KCNH7: variants seen among roughly 807,000 people sequenced by gnomAD.
The protein encoded by KCNH7 is voltage-gated inwardly rectifying potassium channel KCNH7.
KCNH7 carries 49 observed loss-of-function variants against 120.8 expected under a neutral mutation model. The observed-to-expected ratio is 0.41, with a 90% CI of 0.32 to 0.51. The LOEUF is 0.51. KCNH7 is among the 20% of genes least tolerant of loss of function. KCNH7 has a pLI of 0.38. For synonymous variants in KCNH7, 547 were observed against 516.1 expected (o/e 1.06, Z -0.81); for missense variants, 1,097 against 1,446.6 (o/e 0.76, Z 3.92).
chr2:162,569,924 T>A (rs1446399490), intron 2 of KCNH7, among the ~76,000 whole-genome samples: 4 of 128,642 alleles, frequency 3.1e-5, no homozygotes, highest in African/African-American at 1.3e-4. Context: ...TTCTTTTACA[T>A]TTGCTGAGGA....
At chr2:162,745,162 G>C (rs1316222566) in intron 2 of KCNH7, among the ~76,000 whole-genome samples, 1 of 152,164 alleles carries the variant, frequency 6.6e-6, no homozygotes, top group Non-Finnish European at 1.5e-5. Flanking sequence ...TTGACTAGTA[G>C]AGCTTCTAGC....
At chr2:162,737,052 A>C (rs1034926856) in intron 2 of KCNH7, among the ~76,000 whole-genome samples, 1 of 152,120 alleles carries the variant, frequency 6.6e-6, no homozygotes, top group Non-Finnish European at 1.5e-5. Context: ...GAGAAAGAAA[A>C]TCTCAAAAAA....
At chr2:162,539,473 C>T (rs371384159) in intron 2 of KCNH7, among the ~76,000 whole-genome samples, 161 of 152,030 alleles carry the variant, frequency 1.1e-3, no homozygotes, top group African/African-American at 3.5e-3. Flanking sequence ...ATCTAATAGG[C>T]TTGTAATAGA....
chr2:162,596,337 T>C (rs1282394543), intron 2 of KCNH7, among the ~76,000 whole-genome samples: 1 of 152,090 alleles, frequency 6.6e-6, no homozygotes, highest in East Asian at 1.9e-4. Flanking sequence ...AGCAGCATGG[T>C]ATTGGCAAAA....
chr2:162,598,790 A>C (rs1446196340), intron 2 of KCNH7, among the ~76,000 whole-genome samples: 1 of 152,144 alleles, frequency 6.6e-6, no homozygotes, highest in Non-Finnish European at 1.5e-5. Context: ...TACAGAAGGA[A>C]GATTTTATGG....
rs547067516 is a variant in KCNH7 at position 162,428,606 on chromosome 2, C to T, written c.1955-5071G>A. Among the ~76,000 whole-genome samples, 25 of 151,876 alleles carry T rather than the reference C, an allele frequency of 1.6e-4. 1 individual carries two copies. The highest frequency in any genetic ancestry group is 8.3e-4 in the South Asian group (4 of 4,810). On this transcript the variant is annotated intron_variant, in intron 8 of 15. Coordinates refer to ENST00000332142, the MANE Select transcript of KCNH7 (RefSeq NM_033272.4). The stretch of plus-strand genomic sequence containing the variant: ...CATTTGGTCTATTTATTCTATAAAA[C>T]GCTGAGAGAGGAGTGTTAACATTGC...
intron 9 of KCNH7, among the ~76,000 whole-genome samples, chr2:162,409,751 A>G (rs1056230515): frequency 6.6e-6 from 1 of 152,040 alleles, no homozygotes; most frequent in African/African-American, 2.4e-5. Context: ...TACAAAATCA[A>G]TGTACAAAAA....
At chr2:162,580,011 T>G (rs1574129431) in intron 2 of KCNH7, among the ~76,000 whole-genome samples, 1 of 152,150 alleles carries the variant, frequency 6.6e-6, no homozygotes, top group African/African-American at 2.4e-5. Context: ...CCTATAGTAG[T>G]TCTCTACCTT....
At chr2:162,420,091 T>G (rs1007701327) in intron 9 of KCNH7, among the ~76,000 whole-genome samples, 1 of 152,068 alleles carries the variant, frequency 6.6e-6, no homozygotes, top group African/African-American at 2.4e-5. Flanking sequence ...AAAAACACAA[T>G]CTAGGCCAGG....
intron 2 of KCNH7, among the ~76,000 whole-genome samples, chr2:162,621,516 A>G (rs1414842033): frequency 6.6e-6 from 1 of 151,850 alleles, no homozygotes. Context: ...AAAATAATTT[A>G]CGCTTCATCC....
intron 2 of KCNH7, among the ~76,000 whole-genome samples, chr2:162,765,317 A>C (rs1483755519): frequency 6.6e-6 from 1 of 152,212 alleles, no homozygotes; most frequent in East Asian, 1.9e-4. Flanking sequence ...TTCTTGCCTA[A>C]ATATTAAATA....
At chr2:162,658,614 C>G (rs1482357297) in intron 2 of KCNH7, among the ~76,000 whole-genome samples, 1 of 152,086 alleles carries the variant, frequency 6.6e-6, no homozygotes, top group East Asian at 1.9e-4. Flanking sequence ...CATGGGGTTT[C>G]TCTTCGTTTA....
chr2:162,443,983 C>G (rs545237621), intron 7 of KCNH7, among the ~76,000 whole-genome samples: 1 of 152,190 alleles, frequency 6.6e-6, no homozygotes, highest in Non-Finnish European at 1.5e-5. Context: ...GCACGGTGGT[C>G]TCATGTGGAT....
rs768455501 is a variant in KCNH7 at position 162,766,629 on chromosome 2, A to C, written c.307+69908T>G. 2.6e-5 allele frequency among the ~76,000 whole-genome samples: 4 copies of C among 152,180 alleles called. No homozygotes were observed. In the East Asian group the frequency reaches 5.8e-4, roughly 22 times the overall value. On this transcript the variant is annotated intron_variant, in intron 2 of 15. Coordinates refer to ENST00000332142, the MANE Select transcript of KCNH7 (RefSeq NM_033272.4). ...CTTTACATCTATGCTATTGTCTTCC[A>C]GTTTTCTGCCAAACATTTGAGCAGC...
chr2:162,827,893 C>G (rs1685341545), intron 2 of KCNH7, among the ~76,000 whole-genome samples: 1 of 152,084 alleles, frequency 6.6e-6, no homozygotes, highest in Non-Finnish European at 1.5e-5. Flanking sequence ...TATGAAGAAC[C>G]AGTCACTGAG....
chr2:162,473,614 C>T (rs1225044824), intron 6 of KCNH7, among the ~76,000 whole-genome samples: 2 of 152,170 alleles, frequency 1.3e-5, no homozygotes, highest in African/African-American at 2.4e-5. Flanking sequence ...TTAGACCATT[C>T]TGCCCACATT....
chr2:162,808,148 G>C (rs1415923973), intron 2 of KCNH7, among the ~76,000 whole-genome samples: 1 of 152,148 alleles, frequency 6.6e-6, no homozygotes, highest in Non-Finnish European at 1.5e-5. Flanking sequence ...TATTCTTTAA[G>C]TCATGCCTAG....
chr2:162,385,364 C>A (rs1046757087), intron 12 of KCNH7, among the ~76,000 whole-genome samples: 1 of 151,894 alleles, frequency 6.6e-6, no homozygotes, highest in African/African-American at 2.4e-5. Flanking sequence ...GTTTTAGCTG[C>A]TCATGCATTG....
In KCNH7 at chr2:162,435,502, A is replaced by G; in HGVS notation, c.1650T>C (p.Ala550=). ...KLDRYSEYGA[A]VLMLLMCIFA... is the part of the protein sequence containing the mutation. The stretch of plus-strand genomic sequence containing the variant: ...AGATGCACATTAAGAGCATTAGAAC[A>G]GCAGCGCCATATTCTGAATATCGAT... Residue 550 remains alanine, a synonymous_variant, in exon 8 of 16, where the codon GCT becomes GCC. Transcript: ENST00000332142. 1 of 1,613,810 alleles carries G rather than the reference A, an allele frequency of 6.2e-7. No individual in the cohort carries two copies. Among genetic ancestry groups the G allele is most frequent in the Non-Finnish European group, 8.5e-7 (1 of 1,179,844 alleles).
Sources: allele counts gnomAD v4.1 joint callset (sites outside exome capture counted in the v4.1 genomes callset), GRCh38; gene constraint gnomAD v4.1.1; transcripts MANE v1.5; gene names NCBI Gene and HGNC (gene_info 2026-07-23, HGNC 2026-07-21).